Variants in DOCK2 observed in about 807,000 individuals in gnomAD.
DOCK2 encodes the protein dedicator of cytokinesis 2.
A neutral mutation model predicts 248.9 loss-of-function variants in DOCK2; 87 were observed. That is an observed-to-expected ratio of 0.35 (90% CI 0.29 to 0.42). The LOEUF is 0.42. DOCK2 is among the 10% of genes least tolerant of loss of function. The probability of loss-of-function intolerance (pLI) is 1.00; values close to 1 mark genes in which losing one functional copy is unlikely to be tolerated. For synonymous variants in DOCK2, 805 were observed against 821.6 expected (o/e 0.98, Z 0.35); for missense variants, 1,747 against 2,300.2 (o/e 0.76, Z 4.92).
intron 27 of DOCK2, among the ~76,000 whole-genome samples, chr5:169,944,596 T>G (rs1470372356): frequency 6.6e-6 from 1 of 152,228 alleles, no homozygotes; most frequent in Non-Finnish European, 1.5e-5. Flanking sequence ...GAGAGCATTT[T>G]AATACCTCTG....
At chr5:169,813,149 A>G (rs1252224233) in intron 26 of DOCK2, among the ~76,000 whole-genome samples, 1 of 152,252 alleles carries the variant, frequency 6.6e-6, no homozygotes, top group Non-Finnish European at 1.5e-5. Context: ...TTTCCAGCTC[A>G]CAAGAACCGA....
At chr5:169,671,402 C>A (rs1048593289) in intron 5 of DOCK2, among the ~76,000 whole-genome samples, 1 of 152,264 alleles carries the variant, frequency 6.6e-6, no homozygotes, top group South Asian at 2.1e-4. Flanking sequence ...TGTGAACCTT[C>A]GGTGTTTAGT....
At chr5:169,954,278 T>C (rs1021531362) in intron 27 of DOCK2, among the ~76,000 whole-genome samples, 3 of 152,262 alleles carry the variant, frequency 2.0e-5, no homozygotes, top group African/African-American at 7.2e-5. Flanking sequence ...AAGTGAGTGA[T>C]TCTAAGGAAT....
intron 6 of DOCK2, among the ~76,000 whole-genome samples, chr5:169,677,014 G>A (rs558748382): frequency 1.3e-3 from 204 of 152,290 alleles, no homozygotes; most frequent in Non-Finnish European, 2.6e-3. Context: ...TATGAGGTAG[G>A]CACTATTCTC....
At chr5:169,963,768 C>T (rs1221525915) in intron 27 of DOCK2, among the ~76,000 whole-genome samples, 2 of 152,138 alleles carry the variant, frequency 1.3e-5, no homozygotes, top group South Asian at 2.1e-4. Flanking sequence ...GCATCATTCA[C>T]TCACTACAGA....
At chr5:169,716,386 A>G (rs1307720848) in intron 20 of DOCK2, 84 bp downstream of exon 20, 1 of 1,303,358 alleles carries the variant, frequency 7.7e-7, no homozygotes, top group Non-Finnish European at 1.1e-6. Context: ...CATGGCCCTC[A>G]TGGCCCTCAT....
chr5:169,695,773 A>G, intron 9 of DOCK2, 30 bp from the exon 10 acceptor site: 1 of 1,612,496 alleles, frequency 6.2e-7, no homozygotes, highest in South Asian at 1.1e-5. Flanking sequence ...TCAGCACATG[A>G]TGGTCAATTT....
intron 2 of DOCK2, among the ~76,000 whole-genome samples, chr5:169,655,378 C>G (rs75909638): frequency 0.044 from 6,665 of 152,304 alleles, 168 homozygotes; most frequent in South Asian, 0.1. Flanking sequence ...GTTCTGCCCC[C>G]AGTGAATCCA....
chr5:170,036,911 G>A (rs1429328944), intron 36 of DOCK2, among the ~76,000 whole-genome samples: 1 of 152,134 alleles, frequency 6.6e-6, no homozygotes, highest in African/African-American at 2.4e-5. Context: ...CATGTAGTAA[G>A]ACCATTGACT....
At chr5:169,735,564 G>A (rs576421556) in intron 22 of DOCK2, among the ~76,000 whole-genome samples, 16 of 152,228 alleles carry the variant, frequency 1.1e-4, no homozygotes, top group African/African-American at 3.9e-4. Context: ...ACATATCACA[G>A]TTTCTGTTTT....
chr5:170,053,920 G>A (rs916132207), intron 41 of DOCK2, among the ~76,000 whole-genome samples: 4 of 152,210 alleles, frequency 2.6e-5, no homozygotes, highest in African/African-American at 9.7e-5. Flanking sequence ...TGGAGGGTGT[G>A]AGGTGGGCTG....
At chr5:170,049,524 G>A (rs1756840259) in intron 40 of DOCK2, among the ~76,000 whole-genome samples, 1 of 152,178 alleles carries the variant, frequency 6.6e-6, no homozygotes, top group Non-Finnish European at 1.5e-5. Flanking sequence ...AGGAAATTAG[G>A]GGCCATTTTA....
intron 27 of DOCK2, among the ~76,000 whole-genome samples, chr5:169,959,509 A>G (rs1199906600): frequency 1.3e-5 from 2 of 152,206 alleles, no homozygotes; most frequent in African/African-American, 4.8e-5. Context: ...AGAACTTTCT[A>G]ACAATTCTAA....
intron 2 of DOCK2, among the ~76,000 whole-genome samples, chr5:169,662,734 A>G (rs1758514011): frequency 6.6e-6 from 1 of 152,154 alleles, no homozygotes; most frequent in Admixed American, 6.5e-5. Flanking sequence ...CAAGAACAGA[A>G]TGGGGGAAAC....
intron 26 of DOCK2, among the ~76,000 whole-genome samples, chr5:169,830,561 A>T (rs1769158150): frequency 6.6e-6 from 1 of 152,222 alleles, no homozygotes; most frequent in Non-Finnish European, 1.5e-5. Flanking sequence ...GCACATCTTC[A>T]TAAGTGTCTC....
At chr5:169,776,731 G>A (rs569918446) in intron 25 of DOCK2, among the ~76,000 whole-genome samples, 1 of 152,252 alleles carries the variant, frequency 6.6e-6, no homozygotes, top group South Asian at 2.1e-4. Flanking sequence ...GTTCTCATGA[G>A]ATCTGATAGT....
intron 29 of DOCK2, among the ~76,000 whole-genome samples, chr5:169,992,026 C>G (rs1305934735): frequency 4.6e-5 from 7 of 152,156 alleles, no homozygotes; most frequent in Non-Finnish European, 8.8e-5. Context: ...TTGGATTGAA[C>G]AGAACTACAG....
At position 170,050,362 on chromosome 5, in the gene DOCK2, C is replaced by T. The variant is rs765863592; in HGVS notation, c.4178C>T (p.Ala1393Val). 6 of 1,614,028 alleles carry T rather than the reference C, an allele frequency of 3.7e-6. No homozygotes were observed. The highest frequency in any genetic ancestry group is 3.3e-5 in the Admixed American group (2 of 59,994). Residue 1393 changes from alanine (A) to valine (V), a missense_variant, in exon 41 of 52, where the codon GCC becomes GTC. Ala to Val is a moderately conservative substitution (Grantham distance 64). Transcript: ENST00000520908. Reference sequence around the variant, plus strand: ...GCAGAGAAGATGAACACCACCTCTGCCCCGGGAGATGATGTGAAGAATGCC... The same window carrying T: ...GCAGAGAAGATGAACACCACCTCTGTCCCGGGAGATGATGTGAAGAATGCC... The part of the protein sequence containing the change: ...PNAEKMNTTS[A>V]PGDDVKNAPG...
chr5:170,046,409 C>T (rs879618976), intron 39 of DOCK2, among the ~76,000 whole-genome samples: 3 of 152,214 alleles, frequency 2.0e-5, no homozygotes, highest in Non-Finnish European at 2.9e-5. Flanking sequence ...CTGGGTTTGG[C>T]GGGGAGTTGG....
Sources: allele counts gnomAD v4.1 joint callset (sites outside exome capture counted in the v4.1 genomes callset), GRCh38; gene constraint gnomAD v4.1.1; transcripts MANE v1.5; gene names NCBI Gene and HGNC (gene_info 2026-07-23, HGNC 2026-07-21).